Variants in GABBR2 observed in about 807,000 individuals in gnomAD.
GABBR2 encodes gamma-aminobutyric acid type B receptor subunit 2.
A neutral mutation model predicts 105.6 loss-of-function variants in GABBR2; 23 were observed. The observed-to-expected ratio is 0.22, with a 90% CI of 0.16 to 0.31. The LOEUF (loss-of-function observed/expected upper bound fraction) is 0.31, where lower values mean the gene tolerates loss of function less well. Among genes scored for constraint, GABBR2 ranks in the 10% least tolerant of loss-of-function variants. The pLI is 1.00. For missense variants in GABBR2, 734 were observed against 1,245.5 expected (o/e 0.59, Z 6.18); for synonymous variants, 478 against 499.7 (o/e 0.96, Z 0.58).
chr9:98,501,948 C>T (rs969235816), intron 3 of GABBR2, among the ~76,000 whole-genome samples: 5 of 152,104 alleles, frequency 3.3e-5, no homozygotes, highest in African/African-American at 4.8e-5. Context: ...CAGAGACGAG[C>T]GCGTCTGCCC....
At chr9:98,508,176 A>T (rs1827552127) in intron 3 of GABBR2, among the ~76,000 whole-genome samples, 1 of 152,228 alleles carries the variant, frequency 6.6e-6, no homozygotes, top group South Asian at 2.1e-4. Context: ...ATAGGAAATC[A>T]GCAATATGCA....
Position 98,374,111 on chromosome 9 carries a change from G to A in GABBR2, c.1663-2540C>T, listed in dbSNP as rs184087678. Among the ~76,000 whole-genome samples the A allele has an allele frequency of 7.9e-5, 12 of 151,962 alleles. No homozygotes were observed. In the East Asian group the frequency reaches 2.1e-3, roughly 27 times the overall value. On this transcript the variant is annotated intron_variant, in intron 11 of 18. Transcript: ENST00000259455. ...TGAACTCAAGTGATCCTCCTGCCTCGGCCTCTCAAAATGTTGGGAGTACAG... is the reference window on the plus strand; with the variant it reads ...TGAACTCAAGTGATCCTCCTGCCTCAGCCTCTCAAAATGTTGGGAGTACAG...
intron 3 of GABBR2, among the ~76,000 whole-genome samples, chr9:98,514,470 TA>T (rs1254520887): frequency 2.0e-5 from 3 of 146,954 alleles, no homozygotes; most frequent in African/African-American, 7.5e-5. Context: ...TATGCAGCCA[TA>T]AAAAATGATG....
chr9:98,497,114 A>G (rs1444162157), intron 3 of GABBR2, among the ~76,000 whole-genome samples: 1 of 152,178 alleles, frequency 6.6e-6, no homozygotes, highest in African/African-American at 2.4e-5. Flanking sequence ...GATATTACAG[A>G]ATGATAGGGC....
At chr9:98,450,649 T>C (rs1826214616) in intron 7 of GABBR2, among the ~76,000 whole-genome samples, 1 of 149,762 alleles carries the variant, frequency 6.7e-6, no homozygotes, top group Non-Finnish European at 1.5e-5. Flanking sequence ...CCTCAGACAC[T>C]CATCTACACC....
At chr9:98,430,646 G>T (rs185980476) in intron 7 of GABBR2, among the ~76,000 whole-genome samples, 34 of 152,254 alleles carry the variant, frequency 2.2e-4, no homozygotes, top group Admixed American at 7.8e-4. Flanking sequence ...CTCAGCTGAG[G>T]GTGTGAGCAG....
chr9:98,440,711 C>T (rs76387926), intron 7 of GABBR2, among the ~76,000 whole-genome samples: 2,412 of 152,318 alleles, frequency 0.016, 68 homozygotes, highest in African/African-American at 0.055. Flanking sequence ...CTCTCCATCA[C>T]GCAGGTCTGG....
At chr9:98,455,275 C>T (rs1826306209) in intron 6 of GABBR2, among the ~76,000 whole-genome samples, 1 of 152,350 alleles carries the variant, frequency 6.6e-6, no homozygotes, top group African/African-American at 2.4e-5. Flanking sequence ...TTGGAACTTG[C>T]ACTTCCAGAT....
At chr9:98,656,437 GAA>G (rs5899348) in intron 1 of GABBR2, among the ~76,000 whole-genome samples, 1 of 150,542 alleles carries the variant, frequency 6.6e-6, no homozygotes, top group East Asian at 1.9e-4. Context: ...TTATAAAAAG[GAA>G]AAAAAAAACA....
chr9:98,618,578 C>G (rs894617386), intron 1 of GABBR2, among the ~76,000 whole-genome samples: 1 of 151,996 alleles, frequency 6.6e-6, no homozygotes, highest in Non-Finnish European at 1.5e-5. Flanking sequence ...TTCTCTCTCT[C>G]TCTCTGTCTA....
intron 4 of GABBR2, among the ~76,000 whole-genome samples, chr9:98,484,641 G>A (rs566819905): frequency 6.6e-6 from 1 of 152,234 alleles, no homozygotes; most frequent in East Asian, 1.9e-4. Context: ...CTCAAACTAG[G>A]GTATGTGCAT....
At chr9:98,580,773 G>T (rs933084124) in intron 1 of GABBR2, among the ~76,000 whole-genome samples, 3 of 152,050 alleles carry the variant, frequency 2.0e-5, no homozygotes, top group Admixed American at 6.5e-5. Context: ...ACAGAGCAAG[G>T]CTCCATCTCA....
intron 13 of GABBR2, among the ~76,000 whole-genome samples, chr9:98,355,415 G>A (rs530336545): frequency 6.6e-6 from 1 of 152,070 alleles, no homozygotes; most frequent in Non-Finnish European, 1.5e-5. Flanking sequence ...ATAAAGTGAG[G>A]TATGCCTGGA....
At chr9:98,678,477 T>A (rs974789857) in intron 1 of GABBR2, among the ~76,000 whole-genome samples, 4 of 152,170 alleles carry the variant, frequency 2.6e-5, no homozygotes, top group Non-Finnish European at 4.4e-5. Flanking sequence ...AATCTTGAGG[T>A]TGGTAATACA....
At chr9:98,702,679 T>TA (rs1830846241) in intron 1 of GABBR2, among the ~76,000 whole-genome samples, 1 of 152,236 alleles carries the variant, frequency 6.6e-6, no homozygotes, top group East Asian at 1.9e-4. Flanking sequence ...CCCTTCCTGG[T>TA]ATCCAATGTC....
chr9:98,520,058 G>C (rs1022112087), intron 3 of GABBR2, among the ~76,000 whole-genome samples: 3 of 152,174 alleles, frequency 2.0e-5, no homozygotes, highest in Non-Finnish European at 4.4e-5. Context: ...GGTGAGTAAG[G>C]AAACTCTCTG....
At chr9:98,683,903 G>A (rs866079490) in intron 1 of GABBR2, among the ~76,000 whole-genome samples, 48 of 150,976 alleles carry the variant, frequency 3.2e-4, no homozygotes, top group South Asian at 1.5e-3. Context: ...AGCTACTCGG[G>A]AGGCTGAGGC....
At chr9:98,661,331 C>T (rs540647217) in intron 1 of GABBR2, among the ~76,000 whole-genome samples, 2 of 152,260 alleles carry the variant, frequency 1.3e-5, no homozygotes, top group South Asian at 4.1e-4. Flanking sequence ...CACTGTGGGC[C>T]CTTTGCGCCT....
chr9:98,372,106 C>T (rs527682957), intron 11 of GABBR2, among the ~76,000 whole-genome samples: 43 of 152,330 alleles, frequency 2.8e-4, no homozygotes, highest in Non-Finnish European at 1.0e-4. Context: ...CTCACCTATT[C>T]CCCAGGACCA....
Sources: allele counts gnomAD v4.1 joint callset (sites outside exome capture counted in the v4.1 genomes callset), GRCh38; gene constraint gnomAD v4.1.1; transcripts MANE v1.5; gene names NCBI Gene and HGNC (gene_info 2026-07-23, HGNC 2026-07-21).